Variants in SCARA5 observed in about 807,000 individuals in gnomAD.
SCARA5 encodes scavenger receptor class A, member 5 (putative).
In SCARA5, 45 loss-of-function variants were observed where a neutral mutation model predicts 46.3. The ratio of observed to expected loss-of-function variants is 0.97; its 90% CI spans 0.76 to 1.24. The LOEUF (loss-of-function observed/expected upper bound fraction) is 1.24, where lower values mean the gene tolerates loss of function less well. Ranked by LOEUF, SCARA5 falls within the 50% of genes most tolerant of loss-of-function variation. The pLI is 0.00. For missense variants in SCARA5, 680 were observed against 689.0 expected, an observed-to-expected ratio of 0.99 and a Z score of 0.15; for synonymous variants, 333 against 306.5, an observed-to-expected ratio of 1.09 and a Z score of -0.90.
At chr8:27,906,395 A>C (rs956781839) in intron 6 of SCARA5, among the ~76,000 whole-genome samples, 3 of 152,248 alleles carry the variant, frequency 2.0e-5, no homozygotes, top group Non-Finnish European at 4.4e-5. Context: ...AGCAAATCAG[A>C]AGGAACATTT....
intron 2 of SCARA5, among the ~76,000 whole-genome samples, chr8:27,974,001 T>A (rs1050352720): frequency 6.6e-6 from 1 of 152,176 alleles, no homozygotes; most frequent in Non-Finnish European, 1.5e-5. Flanking sequence ...AGGGAGATGT[T>A]TGGCAACGGA....
intron 6 of SCARA5, among the ~76,000 whole-genome samples, chr8:27,905,898 A>G (rs1807254764): frequency 6.6e-6 from 1 of 151,742 alleles, no homozygotes; most frequent in Non-Finnish European, 1.5e-5. Context: ...TTTGGTAGAG[A>G]TGGGGTTTTG....
chr8:27,876,203 T>C (rs1279301454), intron 8 of SCARA5, among the ~76,000 whole-genome samples: 1 of 152,112 alleles, frequency 6.6e-6, no homozygotes, highest in Admixed American at 6.5e-5. Flanking sequence ...CCTTTAGCAT[T>C]TATAGTAATT....
At chr8:27,953,461 T>C (rs1287226993) in intron 3 of SCARA5, among the ~76,000 whole-genome samples, 1 of 152,212 alleles carries the variant, frequency 6.6e-6, no homozygotes, top group Non-Finnish European at 1.5e-5. Flanking sequence ...GTTTAAACAA[T>C]GATGGTAACT....
At chr8:27,914,956 G>A (rs138848241) in intron 4 of SCARA5, among the ~76,000 whole-genome samples, 2 of 152,172 alleles carry the variant, frequency 1.3e-5, no homozygotes. Context: ...GACGGGGTAG[G>A]GGACCTGTGT....
intron 8 of SCARA5, among the ~76,000 whole-genome samples, chr8:27,879,262 T>C (rs1806771005): frequency 6.6e-6 from 1 of 151,980 alleles, no homozygotes; most frequent in Non-Finnish European, 1.5e-5. Flanking sequence ...TCTAAAGAGC[T>C]AGCCAGGGAG....
intron 4 of SCARA5, among the ~76,000 whole-genome samples, chr8:27,913,513 C>T (rs1048034533): frequency 1.3e-5 from 2 of 152,350 alleles, no homozygotes; most frequent in African/African-American, 2.4e-5. Flanking sequence ...TCCTGTCCCC[C>T]TTTTGCATCC....
In SCARA5 at chr8:27,936,514, G is replaced by A. The variant is rs181696520; in HGVS notation, c.242-14269C>T. ...TGAGGCAGGAGAATCGCTTGAACCC[G>A]GGAGGCAGAGGTTGCAGTGAGCCGA... is the stretch of plus-strand genomic sequence containing the variant. On this transcript the variant is annotated intron_variant, in intron 3 of 8. Coordinates refer to ENST00000354914, the MANE Select transcript of SCARA5 (RefSeq NM_173833.6). 8.6e-3 allele frequency among the ~76,000 whole-genome samples: 1,241 copies of A among 144,794 alleles called. 8 individuals carry two copies. The highest frequency in any genetic ancestry group is 0.012 in the Non-Finnish European group (800 of 66,012). The allele number at this position is 144,794 out of a possible 152,430, so 95.0% of individuals were successfully genotyped here.
chr8:27,893,594 C>T (rs1807019304), intron 7 of SCARA5, among the ~76,000 whole-genome samples: 1 of 152,168 alleles, frequency 6.6e-6, no homozygotes. Flanking sequence ...CAGATCCTCT[C>T]CTCTCTGTAG....
intron 3 of SCARA5, among the ~76,000 whole-genome samples, chr8:27,936,611 A>AAAAAAAAAAAAAAAAAAT: frequency 6.8e-6 from 1 of 147,786 alleles, no homozygotes; most frequent in African/African-American, 2.5e-5. Context: ...AAAAAAAAAA[A>AAAAAAAAAAAAAAAAAAT]GGTGGGGATG....
intron 3 of SCARA5, among the ~76,000 whole-genome samples, chr8:27,937,591 G>A (rs1472903223): frequency 6.6e-6 from 1 of 152,108 alleles, no homozygotes; most frequent in Non-Finnish European, 1.5e-5. Flanking sequence ...CCTGGCTCCG[G>A]CTCTGATTTC....
intron 3 of SCARA5, among the ~76,000 whole-genome samples, chr8:27,951,779 C>T (rs896156434): frequency 2.6e-5 from 4 of 152,162 alleles, no homozygotes; most frequent in African/African-American, 9.7e-5. Flanking sequence ...TCCGGAATCC[C>T]TTCTTCCTTT....
Position 27,921,756 on chromosome 8 carries a change from C to T in SCARA5, c.731G>A (p.Arg244Gln), listed in dbSNP as rs1391194257. The T allele has an allele frequency of 1.9e-6, 3 of 1,581,960 alleles. No homozygotes were observed. Among genetic ancestry groups the T allele is most frequent in the Non-Finnish European group, 1.7e-6 (2 of 1,167,004 alleles). The change falls in exon 4 of 9, where the codon CGG (arginine) becomes CAG (glutamine). Residue 244 changes from arginine (R) to glutamine (Q), a missense_variant. Physicochemically the swap from Arg to Gln is conservative, Grantham distance 43. Around this residue, in one of 3 missense-constraint regions of SCARA5, gnomAD observed 438 missense variants for 384.5 expected, o/e 1.14. Coordinates refer to ENST00000354914, the MANE Select transcript of SCARA5 (RefSeq NM_173833.6). ...LSYDVALHRT[R>Q]LQDLRVLVSN... The stretch of plus-strand genomic sequence containing the variant: ...CACCAGCACCCGCAGGTCCTGCAGC[C>T]GCGTGCGGTGGAGGGCCACGTCGTA...
chr8:27,904,978 G>A (rs1807227922), intron 6 of SCARA5, 144 bp from the exon 7 acceptor site: 2 of 717,746 alleles, frequency 2.8e-6, no homozygotes, highest in South Asian at 3.5e-5. Context: ...CAGCAGGCAG[G>A]AGAAGAGGGC....
In SCARA5 at chr8:27,870,547, A is replaced by G. The variant is rs1806619702; in HGVS notation, c.*1387T>C. 6.6e-6 allele frequency: 1 copy of G among 152,218 alleles called. No homozygotes were observed. Among genetic ancestry groups the G allele is most frequent in the East Asian group, 1.9e-4 (1 of 5,152 alleles). 9.4% of individuals were successfully genotyped at this position (152,218 alleles called of 1,614,324 possible). On this transcript the variant is annotated 3_prime_UTR_variant, in exon 9 of 9. Transcript: ENST00000354914. ...CACCTGATATGACAGGTGATCGTGT[A>G]TCTGAGGCCTATGAGTTTGAGATTC...
chr8:27,937,300 G>T (rs1585500845), intron 3 of SCARA5, among the ~76,000 whole-genome samples: 2 of 152,260 alleles, frequency 1.3e-5, no homozygotes, highest in East Asian at 3.9e-4. Context: ...GGACTTCTCA[G>T]AATCCTGGGA....
chr8:27,984,465 T>TATCC (rs1382062063), intron 2 of SCARA5, among the ~76,000 whole-genome samples: 1 of 150,462 alleles, frequency 6.6e-6, no homozygotes, highest in African/African-American at 2.5e-5. Flanking sequence ...CCCCTCTGTT[T>TATCC]ATCCATCCAT....
At chr8:27,909,517 T>C in intron 5 of SCARA5, 146 bp downstream of exon 5, 1 of 592,070 alleles carries the variant, frequency 1.7e-6, no homozygotes, top group Non-Finnish European at 3.0e-6. Context: ...CAGCAACCTC[T>C]TAGTCTCTTG....
At chr8:27,899,604 C>G (rs1807118260) in intron 7 of SCARA5, among the ~76,000 whole-genome samples, 1 of 152,240 alleles carries the variant, frequency 6.6e-6, no homozygotes, top group African/African-American at 2.4e-5. Flanking sequence ...TCCGCCATTA[C>G]AATCCTATGG....
Sources: allele counts gnomAD v4.1 joint callset (sites outside exome capture counted in the v4.1 genomes callset), GRCh38; gene constraint gnomAD v4.1.1; regional missense constraint gnomAD v4.1.1; transcripts MANE v1.5; gene names NCBI Gene and HGNC (gene_info 2026-07-23, HGNC 2026-07-21).